ADAMTSL1: variants seen among roughly 807,000 people sequenced by gnomAD.
ADAMTSL1 encodes ADAMTS like 1.
ADAMTSL1 carries 126 observed loss-of-function variants against 201.8 expected under a neutral mutation model. The ratio of observed to expected loss-of-function variants is 0.62; its 90% CI spans 0.54 to 0.72. The LOEUF (loss-of-function observed/expected upper bound fraction) is 0.72, where lower values mean the gene tolerates loss of function less well. Ranked by LOEUF, ADAMTSL1 falls within the 30% of genes least tolerant of loss-of-function variation. The pLI is 0.00. For missense variants in ADAMTSL1, 2,679 were observed against 2,277.8 expected (o/e 1.18, Z -3.59); for synonymous variants, 1,121 against 903.4 (o/e 1.24, Z -4.32).
At chr9:17,929,043 A>C (rs902710560) in intron 1 of ADAMTSL1, among the ~76,000 whole-genome samples, 5 of 152,074 alleles carry the variant, frequency 3.3e-5, no homozygotes, top group African/African-American at 1.2e-4. Flanking sequence ...GGTAGAAGGA[A>C]AGGCTTGGAT....
In ADAMTSL1 at chr9:18,168,969, G is replaced by T. The variant is rs1024931923; in HGVS notation, c.207+4988G>T. Among the ~76,000 whole-genome samples the T allele has an allele frequency of 2.3e-4, 35 of 150,734 alleles. 1 individual carries two copies. Among genetic ancestry groups the T allele is most frequent in the African/African-American group, 8.3e-4 (34 of 40,920 alleles). ...ATATCCTTCGCCCACTTTTTGATGGGGTTGTTTGTTTTTTCTTGTAAATTT... is the reference window on the plus strand; with the variant it reads ...ATATCCTTCGCCCACTTTTTGATGGTGTTGTTTGTTTTTTCTTGTAAATTT... On this transcript the variant is annotated intron_variant, in intron 2 of 29. Coordinates refer to the ADAMTSL1 transcript ENST00000680146.
At chr9:18,514,331 T>G (rs111376458) in intron 2 of ADAMTSL1, among the ~76,000 whole-genome samples, 2 of 112,596 alleles carry the variant, frequency 1.8e-5, no homozygotes, top group African/African-American at 7.4e-5. Context: ...TTCTTTCTTT[T>G]TTTTTTTTTT....
chr9:18,634,281 A>T (rs1165535423), intron 5 of ADAMTSL1, among the ~76,000 whole-genome samples: 2 of 152,142 alleles, frequency 1.3e-5, no homozygotes, highest in Non-Finnish European at 2.9e-5. Context: ...ATGTCTGAAC[A>T]GGCCAGGTGC....
chr9:18,146,236 AC>A (rs1826634482), intron 1 of ADAMTSL1, among the ~76,000 whole-genome samples: 1 of 152,148 alleles, frequency 6.6e-6, no homozygotes, highest in Non-Finnish European at 1.5e-5. Context: ...TCCAGCAATC[AC>A]ATTTTTAGGT....
intron 9 of ADAMTSL1, among the ~76,000 whole-genome samples, chr9:18,674,349 A>C (rs949175579): frequency 6.6e-6 from 1 of 152,182 alleles, no homozygotes; most frequent in African/African-American, 2.4e-5. Context: ...CCTCCTGGAA[A>C]TAGATATCCA....
At chr9:18,161,815 GTAGCAGGAGTAATTTAGGT>G (rs952560954) in intron 1 of ADAMTSL1, among the ~76,000 whole-genome samples, 6 of 152,010 alleles carry the variant, frequency 3.9e-5, no homozygotes, top group African/African-American at 1.4e-4. Flanking sequence ...AATTTTAAAC[GTAGCAGGAGTAATTTAGGT>G]TAGCCAGAAG....
intron 4 of ADAMTSL1, among the ~76,000 whole-genome samples, chr9:18,576,595 C>CA (rs1822745683): frequency 6.6e-6 from 1 of 152,166 alleles, no homozygotes; most frequent in South Asian, 2.1e-4. Flanking sequence ...TAGCAACTCA[C>CA]AGTTATTGCC....
chr9:18,358,137 G>C (rs972759453), intron 2 of ADAMTSL1, among the ~76,000 whole-genome samples: 1 of 152,096 alleles, frequency 6.6e-6, no homozygotes, highest in Non-Finnish European at 1.5e-5. Context: ...TGCACATTTA[G>C]AATACCAGTA....
intron 2 of ADAMTSL1, among the ~76,000 whole-genome samples, chr9:18,280,376 G>A (rs1832738595): frequency 6.8e-6 from 1 of 147,344 alleles, no homozygotes; most frequent in African/African-American, 2.5e-5. Context: ...AGCTATCCAT[G>A]TAAATTTTAA....
intron 26 of ADAMTSL1, among the ~76,000 whole-genome samples, chr9:18,897,258 T>A (rs1218118670): frequency 6.6e-6 from 1 of 151,696 alleles, no homozygotes; most frequent in African/African-American, 2.4e-5. Flanking sequence ...GGGCAGTGAG[T>A]CTCTGCCCTT....
At chr9:18,906,290 T>C (rs1301163282) in intron 27 of ADAMTSL1, among the ~76,000 whole-genome samples, 2 of 152,156 alleles carry the variant, frequency 1.3e-5, no homozygotes, top group Non-Finnish European at 2.9e-5. Context: ...AGAGCCCTTG[T>C]TCCTGAGTCT....
At chr9:18,578,538 C>T (rs953254444) in intron 4 of ADAMTSL1, among the ~76,000 whole-genome samples, 8 of 152,202 alleles carry the variant, frequency 5.3e-5, no homozygotes, top group Non-Finnish European at 1.2e-4. Context: ...GGAATCTAAG[C>T]TCCACCACTC....
chr9:17,948,709 A>T (rs909019356), intron 1 of ADAMTSL1, among the ~76,000 whole-genome samples: 6 of 152,210 alleles, frequency 3.9e-5, no homozygotes, highest in African/African-American at 1.2e-4. Flanking sequence ...GCTTATTGTG[A>T]TGTTAAAAGA....
intron 23 of ADAMTSL1, among the ~76,000 whole-genome samples, chr9:18,878,615 T>C (rs1828322830): frequency 6.6e-6 from 1 of 152,198 alleles, no homozygotes; most frequent in African/African-American, 2.4e-5. Flanking sequence ...CTCTCACACT[T>C]TGGGCACTCC....
intron 4 of ADAMTSL1, among the ~76,000 whole-genome samples, chr9:18,576,719 A>G (rs191496317): frequency 1.3e-5 from 2 of 152,354 alleles, no homozygotes; most frequent in African/African-American, 4.8e-5. Context: ...ATTGCTATTT[A>G]TAATATATAC....
chr9:18,203,294 G>A, intron 2 of ADAMTSL1, among the ~76,000 whole-genome samples: 1 of 152,036 alleles, frequency 6.6e-6, no homozygotes, highest in East Asian at 1.9e-4. Context: ...CTTCTGCCCA[G>A]ACATGAGTTC....
chr9:18,334,270 C>T (rs551164026), intron 2 of ADAMTSL1, among the ~76,000 whole-genome samples: 2 of 152,194 alleles, frequency 1.3e-5, no homozygotes, highest in East Asian at 1.9e-4. Context: ...GAATTGTGAA[C>T]CTCTGATTAG....
In ADAMTSL1 at chr9:17,909,568, A is replaced by T. The variant is rs528276432; in HGVS notation, c.87+2646A>T. Among the ~76,000 whole-genome samples, 32 of 68,566 alleles carry T rather than the reference A, an allele frequency of 4.7e-4. 8 individuals are homozygous for T. Among genetic ancestry groups the T allele is most frequent in the African/African-American group, 8.8e-4 (30 of 34,050 alleles). 45.0% of individuals were successfully genotyped at this position (68,566 alleles called of 152,430 possible). A position where few individuals can be genotyped will look rare whatever the true frequency, so the allele number is the denominator to read the frequency against. Reference sequence around the variant, plus strand: ...TGCAGCATTATTCACAATAGCAAAGACTTGGAACCAACCCAAATGTCCAAC... The same window carrying T: ...TGCAGCATTATTCACAATAGCAAAGTCTTGGAACCAACCCAAATGTCCAAC... On this transcript the variant is annotated intron_variant, in intron 1 of 29. Transcript: ENST00000680146.
chr9:18,507,556 C>T (rs190758572), intron 2 of ADAMTSL1, among the ~76,000 whole-genome samples: 1 of 151,964 alleles, frequency 6.6e-6, no homozygotes, highest in Non-Finnish European at 1.5e-5. Flanking sequence ...TTCACCAACC[C>T]AATACTTTAG....
Sources: gnomAD v4.1 joint callset for allele counts (sites outside exome capture counted in the v4.1 genomes callset) on GRCh38, gnomAD v4.1.1 for gene constraint, MANE v1.5 for transcripts, NCBI Gene and HGNC (gene_info 2026-07-23, HGNC 2026-07-21) for gene names.